The following SLIT2 variants were observed in gnomAD, a reference collection of about 807,000 sequenced individuals.
SLIT2 encodes the protein slit guidance ligand 2, also known as slit homolog 2 protein.
Under a neutral mutation model 185.7 loss-of-function variants are expected in SLIT2, and 41 were observed. The observed-to-expected ratio is 0.22, with a 90% CI of 0.17 to 0.29. SLIT2 has a LOEUF of 0.29. Among genes scored for constraint, SLIT2 ranks in the 10% least tolerant of loss-of-function variants. The pLI, the probability that SLIT2 is intolerant of heterozygous loss-of-function variation, is 1.00. For missense variants in SLIT2, 1,571 were observed against 1,909.0 expected (o/e 0.82, Z 3.30); for synonymous variants, 693 against 680.2 (o/e 1.02, Z -0.29).
intron 29 of SLIT2, among the ~76,000 whole-genome samples, chr4:20,569,688 A>G (rs1312765784): frequency 2.6e-5 from 4 of 151,984 alleles, no homozygotes; most frequent in Non-Finnish European, 5.9e-5. Flanking sequence ...AACTTCATAG[A>G]TATGCTCTTT....
chr4:20,339,670 T>G (rs1263220675), intron 4 of SLIT2, among the ~76,000 whole-genome samples: 4 of 152,136 alleles, frequency 2.6e-5, no homozygotes, highest in African/African-American at 7.2e-5. Flanking sequence ...AAGCATAGAT[T>G]GTTTTGAAGA....
At chr4:20,330,267 G>A (rs1384232047) in intron 4 of SLIT2, among the ~76,000 whole-genome samples, 1 of 152,018 alleles carries the variant, frequency 6.6e-6, no homozygotes. Flanking sequence ...GCTCAAATTA[G>A]AAGGTCCCAC....
At chr4:20,608,240 A>C (rs1728939625) in intron 33 of SLIT2, among the ~76,000 whole-genome samples, 1 of 152,120 alleles carries the variant, frequency 6.6e-6, no homozygotes, top group Admixed American at 6.5e-5. Flanking sequence ...ACTGAAGAGA[A>C]AACTGAAATA....
chr4:20,320,979 C>T lies in SLIT2; in HGVS notation c.395+52098C>T, dbSNP rs529820924. Among the ~76,000 whole-genome samples, 23 of 152,236 alleles carry T rather than the reference C, an allele frequency of 1.5e-4. No homozygotes were observed. In the South Asian group the frequency reaches 3.5e-3, roughly 23 times the overall value. On this transcript the variant is annotated intron_variant, in intron 4 of 36. Transcript: ENST00000504154. ...AGGAATTCAAGACCAGCCTGGCCAA[C>T]GTGGTGAAATCCTGTCTCTGCTAAA...
At chr4:20,537,642 A>G (rs1722414766) in intron 18 of SLIT2, among the ~76,000 whole-genome samples, 1 of 151,466 alleles carries the variant, frequency 6.6e-6, no homozygotes, top group Non-Finnish European at 1.5e-5. Context: ...ATATTCACGG[A>G]CTCCCTCCTT....
chr4:20,573,476 T>C (rs1277727976), intron 29 of SLIT2, among the ~76,000 whole-genome samples: 1 of 152,216 alleles, frequency 6.6e-6, no homozygotes, highest in African/African-American at 2.4e-5. Context: ...TTATCTATTG[T>C]TAGAAGACAA....
At chr4:20,546,606 T>A (rs1444953123) in intron 22 of SLIT2, among the ~76,000 whole-genome samples, 1 of 152,122 alleles carries the variant, frequency 6.6e-6, no homozygotes, top group Non-Finnish European at 1.5e-5. Flanking sequence ...ATTCATGTAG[T>A]GTTTAAGTAA....
chr4:20,521,018 A>G (rs1720791725), intron 12 of SLIT2, among the ~76,000 whole-genome samples: 1 of 152,196 alleles, frequency 6.6e-6, no homozygotes, highest in African/African-American at 2.4e-5. Context: ...TGCTGTAACC[A>G]AGTATTGCCT....
chr4:20,498,943 A>T (rs1718465768), intron 9 of SLIT2, among the ~76,000 whole-genome samples: 1 of 152,200 alleles, frequency 6.6e-6, no homozygotes, highest in Admixed American at 6.5e-5. Flanking sequence ...AGTAGGATTG[A>T]TAGGTCAAAT....
intron 18 of SLIT2, 60 bp from the exon 19 acceptor site, chr4:20,539,377 CAGAT>C (rs1250861310): frequency 3.4e-6 from 5 of 1,472,872 alleles, no homozygotes; most frequent in Non-Finnish European, 4.6e-6. Flanking sequence ...TTTCGATCCT[CAGAT>C]AGGCAAAATT....
At chr4:20,466,965 A>G (rs749498426) in intron 4 of SLIT2, among the ~76,000 whole-genome samples, 1 of 152,206 alleles carries the variant, frequency 6.6e-6, no homozygotes, top group Non-Finnish European at 1.5e-5. Context: ...ATTAAGGCTA[A>G]TAATACTATG....
rs140996928 is a variant in SLIT2 at position 20,298,750 on chromosome 4, A to G, written c.395+29869A>G. On this transcript the variant is annotated intron_variant, in intron 4 of 36. Transcript: ENST00000504154. ...CTTGATATGTTGCTGGAGGTTTAAGAAAGTCTTGTTGCTTAGTTGTGACTT... is the reference window on the plus strand; with the variant it reads ...CTTGATATGTTGCTGGAGGTTTAAGGAAGTCTTGTTGCTTAGTTGTGACTT... Among the ~76,000 whole-genome samples the G allele has an allele frequency of 6.6e-3, 1,011 of 152,324 alleles. 6 individuals are homozygous for G. The highest frequency in any genetic ancestry group is 9.5e-3 in the Non-Finnish European group (644 of 68,038).
At chr4:20,565,083 T>A (rs1724989573) in intron 26 of SLIT2, among the ~76,000 whole-genome samples, 1 of 151,998 alleles carries the variant, frequency 6.6e-6, no homozygotes, top group African/African-American at 2.4e-5. Flanking sequence ...AGACAATCTC[T>A]TTAATTTCTC....
chr4:20,525,082 A>G (rs1721167209), intron 14 of SLIT2, 67 bp from the exon 15 acceptor site: 4 of 1,163,458 alleles, frequency 3.4e-6, no homozygotes, highest in African/African-American at 3.0e-5. Context: ...TTAATCTAAT[A>G]TAACTCATAT....
At chr4:20,479,304 A>C (rs975613966) in intron 5 of SLIT2, among the ~76,000 whole-genome samples, 1 of 152,180 alleles carries the variant, frequency 6.6e-6, no homozygotes, top group African/African-American at 2.4e-5. Flanking sequence ...GGATTAAATC[A>C]TTGCACCTTT....
chr4:20,410,635 G>A (rs1727172135), intron 4 of SLIT2, among the ~76,000 whole-genome samples: 1 of 151,926 alleles, frequency 6.6e-6, no homozygotes, highest in South Asian at 2.1e-4. Flanking sequence ...TTCTACATGT[G>A]GCTAGCCTGC....
At chr4:20,617,275 A>AAGGGGAGGGGACGGGAAGGG in intron 35 of SLIT2, 77 bp downstream of exon 35, 2 of 987,998 alleles carry the variant, frequency 2.0e-6, no homozygotes, top group Non-Finnish European at 2.9e-6. Context: ...AGGAAAGAAG[A>AAGGGGAGGGGACGGGAAGGG]AGGGGAGGGG....
At chr4:20,370,045 C>A (rs2109314561) in intron 4 of SLIT2, among the ~76,000 whole-genome samples, 1 of 152,204 alleles carries the variant, frequency 6.6e-6, no homozygotes, top group Non-Finnish European at 1.5e-5. Context: ...TTGGTCTCTA[C>A]CCCAGACCAA....
intron 7 of SLIT2, among the ~76,000 whole-genome samples, chr4:20,486,637 A>T (rs1717272117): frequency 6.6e-6 from 1 of 152,134 alleles, no homozygotes; most frequent in Non-Finnish European, 1.5e-5. Flanking sequence ...ATAAAGCTAA[A>T]CTGGTTCTTC....
Sources: gnomAD v4.1 joint callset for allele counts (sites outside exome capture counted in the v4.1 genomes callset) on GRCh38, gnomAD v4.1.1 for gene constraint, MANE v1.5 for transcripts, NCBI Gene and HGNC (gene_info 2026-07-23, HGNC 2026-07-21) for gene names.